The following SCAI variants were observed in gnomAD, a reference collection of about 807,000 sequenced individuals.
SCAI encodes the protein protein SCAI.
A neutral mutation model predicts 92.2 loss-of-function variants in SCAI; 24 were observed. The ratio of observed to expected loss-of-function variants is 0.26; its 90% confidence interval spans 0.19 to 0.37. The LOEUF is 0.37. Ranked by LOEUF, SCAI falls within the 10% of genes least tolerant of loss-of-function variation. The pLI, the probability that SCAI is intolerant of heterozygous loss-of-function variation, is 1.00. For missense variants in SCAI, 450 were observed against 736.2 expected, an observed-to-expected ratio of 0.61 and a Z score of 4.50; for synonymous variants, 261 against 258.6, an observed-to-expected ratio of 1.01 and a Z score of -0.09.
chr9:125,019,071 T>G, intron 8 of SCAI, 36 bp downstream of exon 8: 1 of 1,532,936 alleles, frequency 6.5e-7, no homozygotes, highest in South Asian at 1.2e-5. Flanking sequence ...GTCATTTATT[T>G]ATCAATAATT....
chr9:125,086,164 C>T (rs1486018087), intron 2 of SCAI, among the ~76,000 whole-genome samples: 4 of 152,280 alleles, frequency 2.6e-5, no homozygotes, highest in African/African-American at 4.8e-5. Flanking sequence ...TGTGTACACT[C>T]GTCATCCCCT....
At chr9:125,026,948 A>G (rs781435815) in intron 5 of SCAI, 38 bp from the exon 6 acceptor site, 2 of 1,221,594 alleles carry the variant, frequency 1.6e-6, no homozygotes, top group Admixed American at 3.6e-5. Context: ...TGACAGTGTC[A>G]GAGACTCTTC....
At position 125,127,405 on chromosome 9, in the gene SCAI, AT is replaced by A. The variant is rs11399082; in HGVS notation, c.98+15227del. Among the ~76,000 whole-genome samples, 1,105 of 140,748 alleles carry A rather than the reference AT, an allele frequency of 7.9e-3. 5 individuals carry two copies. Among genetic ancestry groups the A allele is most frequent in the African/African-American group, 0.021 (794 of 38,086 alleles). 92.3% of individuals were successfully genotyped at this position (140,748 alleles called of 152,430 possible). A position where few individuals can be genotyped will look rare whatever the true frequency, so the allele number is the denominator to read the frequency against. ...GAGGGGGAGAAGGTCCCAGGGCAGA[AT>A]TTTTTTTTTTTTTTTTGAGACGGGT... On this transcript the variant is annotated intron_variant, in intron 2 of 17. Transcript: ENST00000336505.
chr9:125,077,609 T>C (rs1588202488), intron 2 of SCAI, among the ~76,000 whole-genome samples: 1 of 152,242 alleles, frequency 6.6e-6, no homozygotes, highest in Non-Finnish European at 1.5e-5. Context: ...ACAACACTTG[T>C]TATTATCTGT....
chr9:125,064,723 G>A lies in SCAI; in HGVS notation c.99-8716C>T, dbSNP rs147765063. Among the ~76,000 whole-genome samples, 1,102 of 152,200 alleles carry A rather than the reference G, an allele frequency of 7.2e-3. 10 individuals are homozygous for A. The highest frequency in any genetic ancestry group is 0.025 in the African/African-American group (1,045 of 41,524). On this transcript the variant is annotated intron_variant, in intron 2 of 17. Transcript: ENST00000336505. ...TAGCTGGGCATGGTGGTGGGTGCCT[G>A]TAACCCCAGCTACTTGGGAGGCTGA...
chr9:125,039,151 G>T (rs1307253564), intron 3 of SCAI, among the ~76,000 whole-genome samples: 1 of 152,128 alleles, frequency 6.6e-6, no homozygotes, highest in Non-Finnish European at 1.5e-5. Flanking sequence ...ACTTTGGGAG[G>T]CCAAGGTGGG....
chr9:125,069,322 A>AC (rs1564400672), intron 2 of SCAI, among the ~76,000 whole-genome samples: 1 of 145,528 alleles, frequency 6.9e-6, no homozygotes, highest in Non-Finnish European at 1.5e-5. Context: ...ATGAGCTCAG[A>AC]TTTTTTTTTT....
At chr9:124,968,909 A>T in intron 17 of SCAI, 3 of 430,840 alleles carry the variant, frequency 7.0e-6, no homozygotes, top group Non-Finnish European at 8.3e-6. Flanking sequence ...TCCAAACTGT[A>T]GGAAATCTCC....
At chr9:124,998,988 G>A (rs547361001) in intron 13 of SCAI, among the ~76,000 whole-genome samples, 1 of 152,044 alleles carries the variant, frequency 6.6e-6, no homozygotes, top group East Asian at 1.9e-4. Flanking sequence ...GAGATGATAA[G>A]TATGCTAATT....
chr9:125,062,875 C>G, intron 2 of SCAI, among the ~76,000 whole-genome samples: 1 of 151,474 alleles, frequency 6.6e-6, no homozygotes, highest in Non-Finnish European at 1.5e-5. Context: ...CAAAAATTAG[C>G]TGGGCATGGT....
At chr9:125,034,214 T>C (rs1833142536) in intron 3 of SCAI, among the ~76,000 whole-genome samples, 1 of 152,300 alleles carries the variant, frequency 6.6e-6, no homozygotes, top group South Asian at 2.1e-4. Flanking sequence ...CTGCTGACCC[T>C]TTCCATTGGT....
chr9:124,955,253 TA>T (rs1447250155), intron 17 of SCAI, among the ~76,000 whole-genome samples: 1 of 151,214 alleles, frequency 6.6e-6, no homozygotes, highest in African/African-American at 2.4e-5. Flanking sequence ...TAATATATAT[TA>T]AAGTAAAAAG....
intron 2 of SCAI, among the ~76,000 whole-genome samples, chr9:125,106,096 C>CAAAAAAAAAAA (rs1168643448): frequency 1.1e-4 from 2 of 18,780 alleles, no homozygotes; most frequent in Non-Finnish European, 8.4e-5. Context: ...GACTCCATCT[C>CAAAAAAAAAAA]AAAAAAAAAA....
intron 2 of SCAI, among the ~76,000 whole-genome samples, chr9:125,138,043 C>T (rs767671296): frequency 6.6e-6 from 1 of 152,120 alleles, no homozygotes; most frequent in African/African-American, 2.4e-5. Context: ...CAGGACTTTC[C>T]GGTCCATGCA....
At chr9:125,042,664 C>CAT (rs1554783902) in intron 3 of SCAI, among the ~76,000 whole-genome samples, 5,514 of 129,644 alleles carry the variant, frequency 0.043, 368 homozygotes, top group African/African-American at 0.11. Flanking sequence ...CACACACACA[C>CAT]ACATATACAA....
At chr9:124,958,417 T>C (rs1035396163) in intron 17 of SCAI, among the ~76,000 whole-genome samples, 2 of 152,240 alleles carry the variant, frequency 1.3e-5, no homozygotes, top group Admixed American at 6.5e-5. Context: ...CTTATACATA[T>C]ATGCTTAATT....
At chr9:124,973,700 G>T (rs138804708) in intron 15 of SCAI, among the ~76,000 whole-genome samples, 3 of 152,106 alleles carry the variant, frequency 2.0e-5, no homozygotes, top group Non-Finnish European at 4.4e-5. Context: ...GGTGGCGAGC[G>T]CCTGTAATCC....
chr9:125,082,299 A>T (rs530740486), intron 2 of SCAI, among the ~76,000 whole-genome samples: 1 of 152,320 alleles, frequency 6.6e-6, no homozygotes, highest in South Asian at 2.1e-4. Flanking sequence ...AGAAGTCAAG[A>T]CCTGAAGTTT....
chr9:124,996,335 T>A (rs1392362568), intron 13 of SCAI, among the ~76,000 whole-genome samples: 3 of 152,134 alleles, frequency 2.0e-5, no homozygotes, highest in Non-Finnish European at 4.4e-5. Flanking sequence ...GGGGTCTCAC[T>A]TTGTCACCAA....
Sources: gnomAD v4.1 joint callset for allele counts (sites outside exome capture counted in the v4.1 genomes callset) on GRCh38, gnomAD v4.1.1 for gene constraint, MANE v1.5 for transcripts, NCBI Gene and HGNC (gene_info 2026-07-23, HGNC 2026-07-21) for gene names.